The following ZBTB44 variants were observed in gnomAD, a reference collection of about 807,000 sequenced individuals.
ZBTB44 encodes the protein zinc finger and BTB domain-containing protein 44.
Under a neutral mutation model 54.0 loss-of-function variants are expected in ZBTB44, and 15 were observed. The ratio of observed to expected loss-of-function variants is 0.28; its 90% CI spans 0.19 to 0.43. ZBTB44 has a LOEUF of 0.43. ZBTB44 is among the 20% of genes least tolerant of loss of function. The pLI is 1.00. For synonymous variants in ZBTB44, 230 were observed against 250.1 expected, an observed-to-expected ratio of 0.92 and a Z score of 0.76; for missense variants, 487 against 707.1, an observed-to-expected ratio of 0.69 and a Z score of 3.53.
Position 130,233,072 on chromosome 11 carries a change from C to T in ZBTB44, c.*48+236G>A, listed in dbSNP as rs1046625212. The T allele has an allele frequency of 1.1e-4, 46 of 424,744 alleles. 1 individual carries two copies. The highest frequency in any genetic ancestry group is 3.3e-4 in the Admixed American group (8 of 23,942). The allele number at this position is 424,744 out of a possible 1,614,324, so 26.3% of individuals were successfully genotyped here. A position where few individuals can be genotyped will look rare whatever the true frequency, so the allele number is the denominator to read the frequency against. On this transcript the variant is annotated intron_variant, in intron 7 of 7. Coordinates refer to ENST00000357899, the MANE Select transcript of ZBTB44 (RefSeq NM_001301098.2). Reference sequence around the variant, plus strand: ...ATTATTTATTATGTCCAAAAGAGCACAATGAAAACATCCCCAACAACACAT... The same window carrying T: ...ATTATTTATTATGTCCAAAAGAGCATAATGAAAACATCCCCAACAACACAT...
intron 1 of ZBTB44, among the ~76,000 whole-genome samples, chr11:130,311,401 G>A (rs1942594641): frequency 6.6e-6 from 1 of 152,022 alleles, no homozygotes; most frequent in South Asian, 2.1e-4. Flanking sequence ...TAGAGATGGG[G>A]TCTCATCATG....
chr11:130,230,515 A>G lies in ZBTB44; in HGVS notation c.*1249T>C, dbSNP rs550258499. ...GCCAGAATGATTGCTGAAATGTCAA[A>G]ATGTAAGATTGAATGAGGCTATTTA... On this transcript the variant is annotated 3_prime_UTR_variant, in exon 8 of 8. Coordinates refer to ENST00000357899, the MANE Select transcript of ZBTB44 (RefSeq NM_001301098.2). 6.6e-6 allele frequency: 1 copy of G among 151,240 alleles called. No individual in the cohort carries two copies. Among genetic ancestry groups the G allele is most frequent in the African/African-American group, 2.4e-5 (1 of 41,306 alleles). 9.4% of individuals were successfully genotyped at this position (151,240 alleles called of 1,614,324 possible).
At chr11:130,270,294 A>G (rs998627561) in intron 1 of ZBTB44, among the ~76,000 whole-genome samples, 33 of 152,348 alleles carry the variant, frequency 2.2e-4, no homozygotes, top group African/African-American at 7.9e-4. Context: ...ATTAAAACCC[A>G]TGAAGGACAG....
At chr11:130,303,610 G>A (rs183939506) in intron 1 of ZBTB44, among the ~76,000 whole-genome samples, 1,931 of 152,028 alleles carry the variant, frequency 0.013, 17 homozygotes, top group Middle Eastern at 0.02. Flanking sequence ...ACTCCGGCCT[G>A]GGCAACAAGA....
intron 1 of ZBTB44, among the ~76,000 whole-genome samples, chr11:130,287,153 C>T (rs762964724): frequency 3.9e-5 from 6 of 152,150 alleles, no homozygotes; most frequent in African/African-American, 7.2e-5. Flanking sequence ...TCATGGACAC[C>T]TTCAATTGCT....
chr11:130,257,238 TA>T (rs572669481), intron 2 of ZBTB44, among the ~76,000 whole-genome samples: 6,407 of 109,340 alleles, frequency 0.059, 320 homozygotes, highest in African/African-American at 0.15. Context: ...TCCCAGATCT[TA>T]AAAAAAAAAA....
chr11:130,265,528 G>C (rs1201555108), intron 1 of ZBTB44, among the ~76,000 whole-genome samples: 1 of 152,166 alleles, frequency 6.6e-6, no homozygotes, highest in Non-Finnish European at 1.5e-5. Context: ...TAGTGAGGAA[G>C]GCATGTTGAG....
At chr11:130,283,617 A>C (rs1224078331) in intron 1 of ZBTB44, among the ~76,000 whole-genome samples, 1 of 152,214 alleles carries the variant, frequency 6.6e-6, no homozygotes, top group Non-Finnish European at 1.5e-5. Context: ...CATTTTAAAA[A>C]ATTAAGCTTT....
chr11:130,302,731 TGGGAGGCTGAGGCA>T lies in ZBTB44; in HGVS notation c.-57+11630_-57+11643del, dbSNP rs1942052621. Among the ~76,000 whole-genome samples, 13 of 152,316 alleles carry T rather than the reference TGGGAGGCTGAGGCA, an allele frequency of 8.5e-5. No homozygotes were observed. The South Asian group carries it at 2.1e-3, about 24-fold the overall frequency. On this transcript the variant is annotated intron_variant, in intron 1 of 7. Transcript: ENST00000357899. ...GCTCACGCCTGTAATCCCAACACTT[TGGGAGGCTGAGGCA>T]GGTGATCACCTGAGGTCAGGAGTTC...
intron 5 of ZBTB44, chr11:130,236,048 A>G: frequency 9.0e-7 from 1 of 1,111,844 alleles, no homozygotes; most frequent in South Asian, 1.9e-5. Context: ...ATTCTTATAA[A>G]CAATTTAAAA....
chr11:130,256,459 C>T (rs986478347), intron 2 of ZBTB44, among the ~76,000 whole-genome samples: 7 of 152,082 alleles, frequency 4.6e-5, no homozygotes, highest in Admixed American at 1.3e-4. Flanking sequence ...AGGCGGATCA[C>T]GAGGTCAAGA....
intron 1 of ZBTB44, among the ~76,000 whole-genome samples, chr11:130,313,910 GTGTGTGTGTGTGTA>G (rs952058084): frequency 2.3e-5 from 3 of 133,018 alleles, no homozygotes; most frequent in Non-Finnish European, 3.2e-5. Flanking sequence ...GAAAAGAGGT[GTGTGTGTGTGTGTA>G]TGTGTGTGTG....
chr11:130,241,765 T>A (rs1954373198), intron 2 of ZBTB44, among the ~76,000 whole-genome samples: 1 of 152,218 alleles, frequency 6.6e-6, no homozygotes, highest in Non-Finnish European at 1.5e-5. Flanking sequence ...AAAAAATCTT[T>A]CCCTGTCTGA....
At chr11:130,280,297 C>A (rs1940412512) in intron 1 of ZBTB44, among the ~76,000 whole-genome samples, 1 of 152,110 alleles carries the variant, frequency 6.6e-6, no homozygotes, top group Admixed American at 6.5e-5. Flanking sequence ...TTATAAGTAA[C>A]TAACTTCAAA....
intron 4 of ZBTB44, among the ~76,000 whole-genome samples, chr11:130,237,835 T>C (rs1954173548): frequency 6.6e-6 from 1 of 152,160 alleles, no homozygotes; most frequent in Non-Finnish European, 1.5e-5. Context: ...CAAAGATCTC[T>C]TACTCGTCAG....
In ZBTB44 at chr11:130,234,278, A is replaced by G. The variant is rs553660040; in HGVS notation, c.1569-5T>C. Reference sequence around the variant, plus strand: ...TAGTCCGGTACTAGGAAATCACTAGATAAGAGGCAAAGGATGAAATATGGA... The same window carrying G: ...TAGTCCGGTACTAGGAAATCACTAGGTAAGAGGCAAAGGATGAAATATGGA... On this transcript the variant is annotated splice_region_variant and splice_polypyrimidine_tract_variant and intron_variant, in intron 5 of 7. Transcript: ENST00000357899. The G allele has an allele frequency of 5.9e-5, 90 of 1,531,384 alleles. No individual in the cohort carries two copies. The East Asian group carries it at 1.7e-3, about 29-fold the overall frequency. The allele number at this position is 1,531,384 out of a possible 1,614,324, so 94.9% of individuals were successfully genotyped here.
At chr11:130,238,190 AAT>A (rs1414171887) in intron 4 of ZBTB44, among the ~76,000 whole-genome samples, 3 of 152,098 alleles carry the variant, frequency 2.0e-5, no homozygotes, top group Non-Finnish European at 2.9e-5. Context: ...GTGCACACCT[AAT>A]ATGTCTTTTT....
At chr11:130,291,232 G>A (rs763312226) in intron 1 of ZBTB44, among the ~76,000 whole-genome samples, 5 of 151,930 alleles carry the variant, frequency 3.3e-5, no homozygotes, top group South Asian at 2.1e-4. Flanking sequence ...TCTGCCTCCC[G>A]GATTCAAGCA....
rs970423640 is a variant in ZBTB44 at position 130,268,097 on chromosome 11, C to T, written c.-56-6168G>A. Among the ~76,000 whole-genome samples, 12 of 142,466 alleles carry T rather than the reference C, an allele frequency of 8.4e-5. 1 individual carries two copies. The highest frequency in any genetic ancestry group is 7.1e-4 in the Admixed American group (10 of 14,116). 93.5% of individuals were successfully genotyped at this position (142,466 alleles called of 152,430 possible). A position where few individuals can be genotyped will look rare whatever the true frequency, so the allele number is the denominator to read the frequency against. On this transcript the variant is annotated intron_variant, in intron 1 of 7. Transcript: ENST00000357899. Reference sequence around the variant, plus strand: ...AAAAAAAAAAAAAGAGAAATCCTCACGAAAGAAAGATCCAGGTTGGGTGCA... The same window carrying T: ...AAAAAAAAAAAAAGAGAAATCCTCATGAAAGAAAGATCCAGGTTGGGTGCA...
Sources: gnomAD v4.1 joint callset for allele counts (sites outside exome capture counted in the v4.1 genomes callset) on GRCh38, gnomAD v4.1.1 for gene constraint, MANE v1.5 for transcripts, NCBI Gene and HGNC (gene_info 2026-07-23, HGNC 2026-07-21) for gene names.